Variants in SPOCK1 observed in about 807,000 individuals in gnomAD.
SPOCK1 encodes the protein testican-1.
SPOCK1 carries 23 observed loss-of-function variants against 55.3 expected under a neutral mutation model. The ratio of observed to expected loss-of-function variants is 0.42; its 90% CI spans 0.30 to 0.59. SPOCK1 has a LOEUF of 0.59. SPOCK1 is among the 20% of genes least tolerant of loss of function. The pLI is 0.22. For synonymous variants in SPOCK1, 226 were observed against 221.0 expected (o/e 1.02, Z -0.20); for missense variants, 499 against 552.5 (o/e 0.90, Z 0.97).
chr5:137,129,780 G>A (rs1452914910), intron 4 of SPOCK1, among the ~76,000 whole-genome samples: 1 of 152,122 alleles, frequency 6.6e-6, no homozygotes, highest in Non-Finnish European at 1.5e-5. Context: ...GTTACCTCTG[G>A]TCACATGACT....
At chr5:137,359,166 C>G (rs1750887474) in intron 2 of SPOCK1, among the ~76,000 whole-genome samples, 2 of 152,194 alleles carry the variant, frequency 1.3e-5, no homozygotes. Flanking sequence ...ACAAGACCCT[C>G]TTAAGAATAA....
At chr5:137,448,660 T>C (rs1753181474) in intron 2 of SPOCK1, among the ~76,000 whole-genome samples, 1 of 152,244 alleles carries the variant, frequency 6.6e-6, no homozygotes, top group Non-Finnish European at 1.5e-5. Flanking sequence ...AACTTGCATT[T>C]GCAAACAGCA....
At chr5:137,303,091 G>T (rs2961634) in intron 2 of SPOCK1, among the ~76,000 whole-genome samples, 1 of 152,058 alleles carries the variant, frequency 6.6e-6, no homozygotes. Context: ...GAAGAATCAC[G>T]GGACTCTGAT....
chr5:137,351,923 T>A (rs1228515338), intron 2 of SPOCK1, among the ~76,000 whole-genome samples: 1 of 152,194 alleles, frequency 6.6e-6, no homozygotes, highest in East Asian at 1.9e-4. Flanking sequence ...GATGGCACAG[T>A]GGAGAACCTA....
chr5:137,169,970 C>T (rs1370773523), intron 3 of SPOCK1, among the ~76,000 whole-genome samples: 1 of 152,142 alleles, frequency 6.6e-6, no homozygotes, highest in African/African-American at 2.4e-5. Flanking sequence ...CAAAATTTTA[C>T]AGGGAAAAGA....
intron 2 of SPOCK1, among the ~76,000 whole-genome samples, chr5:137,386,888 A>G (rs991867821): frequency 3.9e-5 from 6 of 152,198 alleles, no homozygotes; most frequent in African/African-American, 7.2e-5. Flanking sequence ...AGACTGGGGG[A>G]AAAATATGTG....
At chr5:137,297,115 G>A (rs933861072) in intron 2 of SPOCK1, among the ~76,000 whole-genome samples, 1 of 152,128 alleles carries the variant, frequency 6.6e-6, no homozygotes, top group Admixed American at 6.5e-5. Context: ...TTGAAGTTAA[G>A]CTTCAATTAA....
At chr5:137,196,981 C>T (rs183083749) in intron 3 of SPOCK1, among the ~76,000 whole-genome samples, 1 of 152,170 alleles carries the variant, frequency 6.6e-6, no homozygotes, top group Non-Finnish European at 1.5e-5. Context: ...AACCTAGTCA[C>T]CCCGGAGCTG....
At chr5:137,085,311 C>A (rs1376116773) in intron 5 of SPOCK1, among the ~76,000 whole-genome samples, 5 of 152,114 alleles carry the variant, frequency 3.3e-5, no homozygotes, top group Non-Finnish European at 5.9e-5. Context: ...AAAGGAAAAG[C>A]CATGATTTAA....
At chr5:137,126,824 G>A (rs1474505586) in intron 4 of SPOCK1, among the ~76,000 whole-genome samples, 4 of 152,254 alleles carry the variant, frequency 2.6e-5, no homozygotes, top group African/African-American at 7.2e-5. Flanking sequence ...GCTGAATTGT[G>A]TTCATGTCCT....
intron 3 of SPOCK1, among the ~76,000 whole-genome samples, chr5:137,197,640 TTTC>T (rs1327751086): frequency 6.6e-6 from 1 of 152,196 alleles, no homozygotes; most frequent in Non-Finnish European, 1.5e-5. Flanking sequence ...TTTTTTTAAG[TTTC>T]TTTTTTTCTG....
chr5:137,035,743 G>T (rs1751873475), intron 6 of SPOCK1, among the ~76,000 whole-genome samples: 2 of 152,210 alleles, frequency 1.3e-5, no homozygotes, highest in South Asian at 4.1e-4. Context: ...GTGGTGGGGA[G>T]CATGTGTCTG....
chr5:137,039,572 C>T (rs1751955113), intron 6 of SPOCK1, among the ~76,000 whole-genome samples: 1 of 152,190 alleles, frequency 6.6e-6, no homozygotes. Flanking sequence ...CTCTCTGGCT[C>T]TCCTACAAAC....
At position 137,067,780 on chromosome 5, in the gene SPOCK1, A is replaced by AG; in HGVS notation, c.523dup (p.Leu175ProfsTer3). The AG allele has an allele frequency of 6.2e-7, 1 of 1,614,150 alleles. No homozygotes were observed. The highest frequency in any genetic ancestry group is 8.5e-7 in the Non-Finnish European group (1 of 1,180,002). On this transcript the variant is annotated frameshift_variant, in exon 6 of 11. Coordinates refer to ENST00000394945, the MANE Select transcript of SPOCK1 (RefSeq NM_004598.4). LOFTEE classifies it high-confidence loss of function. ...GAGACAGGGACAGGGCCCATCACAG[A>AG]GGGTGGCGAGGCTTTTGCCAGTAGA...
chr5:137,136,181 A>T (rs1407941136), intron 4 of SPOCK1, among the ~76,000 whole-genome samples: 1 of 152,122 alleles, frequency 6.6e-6, no homozygotes, highest in Non-Finnish European at 1.5e-5. Context: ...CAAGGTCATA[A>T]CTCCTATGTT....
chr5:137,192,251 A>AG (rs919502513), intron 3 of SPOCK1, among the ~76,000 whole-genome samples: 12 of 149,146 alleles, frequency 8.0e-5, no homozygotes, highest in Middle Eastern at 3.4e-3. Flanking sequence ...AAAAAAAAAA[A>AG]AAAAGAAAAG....
At chr5:137,003,548 T>C (rs955426455) in intron 6 of SPOCK1, among the ~76,000 whole-genome samples, 1 of 152,178 alleles carries the variant, frequency 6.6e-6, no homozygotes, top group Non-Finnish European at 1.5e-5. Flanking sequence ...CCAGGGCCAA[T>C]ATATGAACTT....
chr5:137,156,853 C>A (rs1561630119), intron 3 of SPOCK1, among the ~76,000 whole-genome samples: 1 of 152,138 alleles, frequency 6.6e-6, no homozygotes, highest in African/African-American at 2.4e-5. Context: ...CCAGAGCCCT[C>A]CTGCACCAGA....
intron 3 of SPOCK1, among the ~76,000 whole-genome samples, chr5:137,186,498 C>T (rs1480054464): frequency 6.6e-6 from 1 of 152,206 alleles, no homozygotes. Flanking sequence ...AGCCCTGGAC[C>T]AAACTGGACA....
Sources: allele counts gnomAD v4.1 joint callset (sites outside exome capture counted in the v4.1 genomes callset), GRCh38; gene constraint gnomAD v4.1.1; transcripts MANE v1.5; gene names NCBI Gene and HGNC (gene_info 2026-07-23, HGNC 2026-07-21).